The following MFSD8 variants were observed in gnomAD, a reference collection of about 807,000 sequenced individuals.
MFSD8 encodes major facilitator superfamily domain-containing protein 8.
In MFSD8, 55 loss-of-function variants were observed where a neutral mutation model predicts 66.4. The ratio of observed to expected loss-of-function variants is 0.83; its 90% confidence interval spans 0.67 to 1.04. MFSD8 has a LOEUF of 1.04. Among genes scored for constraint, MFSD8 ranks in the 50% least tolerant of loss-of-function variants. The probability of loss-of-function intolerance (pLI) is 0.00; values close to 1 mark genes in which losing one functional copy is unlikely to be tolerated. For missense variants in MFSD8, 550 were observed against 627.6 expected (o/e 0.88, Z 1.32); for synonymous variants, 202 against 212.8 (o/e 0.95, Z 0.44).
intron 1 of MFSD8, among the ~76,000 whole-genome samples, chr4:127,961,185 G>A (rs767382037): frequency 1.3e-5 from 2 of 152,172 alleles, no homozygotes; most frequent in Admixed American, 6.5e-5. Context: ...TATATTCAAA[G>A]TGAACAGGTC....
intron 2 of MFSD8, 72 bp downstream of exon 2, chr4:127,957,429 T>C (rs1238332587): frequency 1.9e-6 from 2 of 1,028,714 alleles, no homozygotes; most frequent in South Asian, 1.3e-5. Context: ...GCAATGAAAG[T>C]AAATGAAGTA....
chr4:127,937,038 C>A (rs1340216668), intron 7 of MFSD8, among the ~76,000 whole-genome samples: 1 of 152,188 alleles, frequency 6.6e-6, no homozygotes, highest in Admixed American at 6.6e-5. Context: ...CTTCACCTCT[C>A]ATTCTTTGTG....
rs1736060783 is a variant in MFSD8, at chr4:127,918,733, T to G, written c.*1897A>C. 1 of 152,208 alleles carries G rather than the reference T, an allele frequency of 6.6e-6. No individual in the cohort carries two copies. Among genetic ancestry groups the G allele is most frequent in the Non-Finnish European group, 1.5e-5 (1 of 68,036 alleles). The allele number at this position is 152,208 out of a possible 1,614,324, so 9.4% of individuals were successfully genotyped here. On this transcript the variant is annotated 3_prime_UTR_variant, in exon 12 of 12. Transcript: ENST00000641686. ...AGTAACTTTTCTGTGCCTCCATTCTTTCATCTGTAAAACGGGAATCATAAT... is the reference window on the plus strand; with the variant it reads ...AGTAACTTTTCTGTGCCTCCATTCTGTCATCTGTAAAACGGGAATCATAAT...
At chr4:127,920,976 C>T (rs566627039) in intron 11 of MFSD8, 140 bp from the exon 12 acceptor site, 2 of 775,904 alleles carry the variant, frequency 2.6e-6, no homozygotes, top group African/African-American at 1.7e-5. Flanking sequence ...ACATAAAATG[C>T]CTCCTATAAA....
intron 8 of MFSD8, among the ~76,000 whole-genome samples, chr4:127,931,606 C>T (rs1239582855): frequency 6.6e-6 from 1 of 152,174 alleles, no homozygotes; most frequent in Non-Finnish European, 1.5e-5. Context: ...ATACACCTGC[C>T]TCAACCTCCC....
intron 7 of MFSD8, 50 bp from the exon 8 acceptor site, chr4:127,933,143 T>C (rs768424552): frequency 6.9e-7 from 1 of 1,442,476 alleles, no homozygotes; most frequent in Non-Finnish European, 9.7e-7. Context: ...CTAATTTTTC[T>C]TATGACATTA....
rs183166381 is a variant in MFSD8, at chr4:127,959,526, A to G, written c.63-1934T>C. 3.0e-3 allele frequency among the ~76,000 whole-genome samples: 454 copies of G among 152,266 alleles called. 4 individuals carry two copies. The highest frequency in any genetic ancestry group is 0.011 in the African/African-American group (437 of 41,552). On this transcript the variant is annotated intron_variant, in intron 1 of 11. Transcript: ENST00000641686. ...GTTGTAACAGTGATGGAGTTGCGTA[A>G]AAGAATTTCTTTGTTCTTGGGAGGT...
chr4:127,925,993 AC>A (rs1376104972), intron 9 of MFSD8, among the ~76,000 whole-genome samples: 1 of 151,964 alleles, frequency 6.6e-6, no homozygotes, highest in African/African-American at 2.4e-5. Flanking sequence ...GAACAGAAAA[AC>A]AAACGCCACA....
At chr4:127,944,655 T>TA (rs1740744809) in intron 3 of MFSD8, among the ~76,000 whole-genome samples, 1 of 152,116 alleles carries the variant, frequency 6.6e-6, no homozygotes, top group African/African-American at 2.4e-5. Flanking sequence ...CACTATTGTT[T>TA]ATTTTTATTT....
intron 1 of MFSD8, among the ~76,000 whole-genome samples, chr4:127,959,043 T>A (rs1743325664): frequency 6.6e-6 from 1 of 152,208 alleles, no homozygotes; most frequent in Non-Finnish European, 1.5e-5. Context: ...ACCTTTATAA[T>A]TGAAAGATAT....
In MFSD8 at chr4:127,922,449, C is replaced by A. The variant is rs560276337; in HGVS notation, c.999-486G>T. Among the ~76,000 whole-genome samples the A allele has an allele frequency of 3.0e-4, 45 of 152,092 alleles. No homozygotes were observed. The South Asian group carries it at 8.7e-3, about 29-fold the overall frequency. On this transcript the variant is annotated intron_variant, in intron 9 of 11. Transcript: ENST00000641686. Reference sequence around the variant, plus strand: ...AACCAGCCTGGGCAACATAGCAAGACCCCATCTCTACAAAAAATTTTAAAA... The same window carrying A: ...AACCAGCCTGGGCAACATAGCAAGAACCCATCTCTACAAAAAATTTTAAAA...
chr4:127,932,834 C>A (rs530443986), intron 8 of MFSD8, 151 bp downstream of exon 8: 7 of 591,658 alleles, frequency 1.2e-5, no homozygotes, highest in African/African-American at 1.1e-4. Flanking sequence ...AAGTTACAAG[C>A]AACAAAATGT....
intron 9 of MFSD8, among the ~76,000 whole-genome samples, chr4:127,923,553 T>TTATTATTAC (rs1736685981): frequency 4.5e-5 from 1 of 22,168 alleles, no homozygotes; most frequent in South Asian, 2.9e-3. Flanking sequence ...TTATTTTTAT[T>TTATTATTAC]TATTATTATT....
intron 5 of MFSD8, among the ~76,000 whole-genome samples, chr4:127,940,316 G>T (rs1739952109): frequency 6.6e-6 from 1 of 151,776 alleles, no homozygotes. Context: ...ATGAAAAAAA[G>T]GTTGTGAAAC....
At position 127,943,825 on chromosome 4, in the gene MFSD8, T is replaced by C. The variant is rs1283789637; in HGVS notation, c.366A>G (p.Ala122=). 2.5e-6 allele frequency: 4 copies of C among 1,614,102 alleles called. No individual in the cohort carries two copies. The highest frequency in any genetic ancestry group is 2.2e-5 in the South Asian group (2 of 91,078). The change falls in exon 4 of 12, where the codon GCA becomes GCG. Residue 122 remains alanine, a synonymous_variant. Coordinates refer to ENST00000641686, the MANE Select transcript of MFSD8 (RefSeq NM_001371596.2). ...LISVAANCLY[A]YLHIPASHNK... ...TATGAGAAGCTGGGATGTGGAGATA[T>C]GCATAGAGGCAGTTGGCTGCCACGG...
chr4:127,951,974 T>C (rs1742054577), intron 2 of MFSD8, among the ~76,000 whole-genome samples: 1 of 152,010 alleles, frequency 6.6e-6, no homozygotes, highest in African/African-American at 2.4e-5. Flanking sequence ...GCAATCCGCC[T>C]GCCTCGGCCT....
chr4:127,928,416 G>A (rs1021777764), intron 9 of MFSD8, among the ~76,000 whole-genome samples: 4 of 152,034 alleles, frequency 2.6e-5, no homozygotes, highest in East Asian at 3.8e-4. Context: ...ACTGCACCAG[G>A]CCCTCAAAAT....
At chr4:127,945,640 T>C (rs1740909549) in intron 3 of MFSD8, 1 of 152,072 alleles carries the variant, frequency 6.6e-6, no homozygotes, top group Admixed American at 6.6e-5. Context: ...CCTAAAGATA[T>C]TTAAAGTGAA....
intron 7 of MFSD8, 150 bp from the exon 8 acceptor site, chr4:127,933,243 T>C (rs1738471588): frequency 4.9e-6 from 3 of 618,390 alleles, no homozygotes; most frequent in Non-Finnish European, 8.5e-6. Context: ...AATAAGAGAA[T>C]TTGTTTATTT....
Sources: allele counts gnomAD v4.1 joint callset (sites outside exome capture counted in the v4.1 genomes callset), GRCh38; gene constraint gnomAD v4.1.1; transcripts MANE v1.5; gene names NCBI Gene and HGNC (gene_info 2026-07-23, HGNC 2026-07-21).